Variants in SYNE1 observed in about 807,000 individuals in gnomAD.
The protein encoded by SYNE1 is spectrin repeat containing nuclear envelope protein 1.
Under a neutral mutation model 1,111.0 loss-of-function variants are expected in SYNE1, and 616 were observed. That is an observed-to-expected ratio of 0.55 (90% CI 0.52 to 0.59). The LOEUF (loss-of-function observed/expected upper bound fraction) is 0.59. Among genes scored for constraint, SYNE1 ranks in the 20% least tolerant of loss-of-function variants. The pLI is 0.00. For synonymous variants in SYNE1, 3,855 were observed against 3,825.8 expected, an observed-to-expected ratio of 1.01 and a Z score of -0.28; for missense variants, 10,006 against 10,417.0, an observed-to-expected ratio of 0.96 and a Z score of 1.72.
rs766142799 is a variant in SYNE1, at chr6:152,330,646, A to G, written c.14039T>C (p.Ile4680Thr). 10 of 1,613,644 alleles carry G rather than the reference A, an allele frequency of 6.2e-6. No homozygotes were observed. The highest frequency in any genetic ancestry group is 7.6e-6 in the Non-Finnish European group (9 of 1,180,008). ...ACTCAGAGACTGGGTTGTCAACTCA[A>G]TCAAGGAAGCATATTCCTTCCGAGC... Reference protein sequence around the residue: ...ILARKEYASLIELTTQSLSEL... With the variant: ...ILARKEYASLTELTTQSLSEL... The change falls in exon 78 of 146, where the codon ATT (isoleucine) becomes ACT (threonine). Residue 4680 changes from isoleucine to threonine, a missense_variant. Physicochemically the swap from Ile to Thr is moderately conservative, Grantham distance 89 (BLOSUM62 -1). Coordinates refer to ENST00000367255, the MANE Select transcript of SYNE1 (RefSeq NM_182961.4).
chr6:152,560,643 A>G (rs148271044), intron 3 of SYNE1, among the ~76,000 whole-genome samples: 48 of 152,172 alleles, frequency 3.2e-4, no homozygotes, highest in Non-Finnish European at 6.3e-4. Context: ...AAAGAAAATT[A>G]CAAGCCAATA....
rs552783619 is a variant in SYNE1, at chr6:152,451,697, G to C, written c.3028-492C>G. On this transcript the variant is annotated intron_variant, in intron 25 of 145. Transcript: ENST00000367255. ...GGGTTTTACCAAGTTGGTCAGGATGGTCTTGAACTCCTGACCTAGGTGATC... is the reference window on the plus strand; with the variant it reads ...GGGTTTTACCAAGTTGGTCAGGATGCTCTTGAACTCCTGACCTAGGTGATC... Among the ~76,000 whole-genome samples the C allele has an allele frequency of 3.8e-4, 57 of 151,916 alleles. 1 individual carries two copies. The South Asian group carries it at 4.4e-3, about 12-fold the overall frequency.
At position 152,154,177 on chromosome 6, in the gene SYNE1, C is replaced by T. The variant is rs560446905; in HGVS notation, c.24129+715G>A. Reference sequence around the variant, plus strand: ...CAATTTTGGGCTAGGTCAGGTCTTCCATGAAAATGAAAGGCAGCTGAGAAG... The same window carrying T: ...CAATTTTGGGCTAGGTCAGGTCTTCTATGAAAATGAAAGGCAGCTGAGAAG... On this transcript the variant is annotated intron_variant, in intron 133 of 145. Coordinates refer to ENST00000367255, the MANE Select transcript of SYNE1 (RefSeq NM_182961.4). Among the ~76,000 whole-genome samples the T allele has an allele frequency of 2.8e-4, 42 of 152,072 alleles. 1 individual carries two copies. The highest frequency in any genetic ancestry group is 4.4e-4 in the Non-Finnish European group (30 of 68,012).
intron 40 of SYNE1, among the ~76,000 whole-genome samples, chr6:152,418,851 T>C (rs2098209503): frequency 6.6e-6 from 1 of 152,222 alleles, no homozygotes; most frequent in Non-Finnish European, 1.5e-5. Flanking sequence ...TGAGAAACTT[T>C]TTCTGCATAA....
Position 152,347,229 on chromosome 6 carries a change from T to C in SYNE1, c.11908A>G (p.Met3970Val). The C allele has an allele frequency of 6.2e-7, 1 of 1,614,240 alleles. No homozygotes were observed. The highest frequency in any genetic ancestry group is 1.3e-5 in the African/African-American group (1 of 75,052). Reference protein sequence around the residue: ...TQQLAHHKAMMEEIAGFEDRL... With the variant: ...TQQLAHHKAMVEEIAGFEDRL... ...TCTTCAAAACCAGCAATTTCTTCCA[T>C]CATTGCCTGCAAAAGTGAAACCAAT... Residue 3970 changes from methionine to valine, a missense_variant, in exon 73 of 146, where the codon ATG (methionine) becomes GTG (valine). Transcript: ENST00000367255.
chr6:152,446,842 T>C (rs1366911515), intron 29 of SYNE1, among the ~76,000 whole-genome samples: 2 of 152,180 alleles, frequency 1.3e-5, no homozygotes, highest in East Asian at 3.9e-4. Flanking sequence ...AACATTAAAA[T>C]GCATATCAAA....
chr6:152,465,785 A>ACC (rs1564238941), intron 17 of SYNE1, among the ~76,000 whole-genome samples, 197 bp downstream of exon 17: 5 of 151,324 alleles, frequency 3.3e-5, no homozygotes, highest in African/African-American at 1.2e-4. Context: ...ACACACACAC[A>ACC]CACACACACA....
In SYNE1 at chr6:152,122,598, G is replaced by T; in HGVS notation, c.26232C>A (p.Val8744=). ...GCTGAAGGGGAAGAGCTGCTCGGAG[G>T]ACTCTGAACAGGAAGCCGCGGCCGG... is the stretch of plus-strand genomic sequence containing the variant. The part of the protein sequence containing the change: ...GRSGRGFLFR[V]LRAALPLQLL... Residue 8744 remains valine, a synonymous_variant, in exon 146 of 146, where the codon GTC becomes GTA. Coordinates refer to ENST00000367255, the MANE Select transcript of SYNE1 (RefSeq NM_182961.4). 6.2e-7 allele frequency: 1 copy of T among 1,614,194 alleles called. No individual in the cohort carries two copies. Among genetic ancestry groups the T allele is most frequent in the Non-Finnish European group, 8.5e-7 (1 of 1,180,038 alleles).
At chr6:152,286,058 G>GCAC (rs2094309362) in intron 95 of SYNE1, among the ~76,000 whole-genome samples, 1 of 152,142 alleles carries the variant, frequency 6.6e-6, no homozygotes, top group African/African-American at 2.4e-5. Flanking sequence ...TGTAAGTGCA[G>GCAC]TGCCTCCTCA....
At chr6:152,618,695 A>G (rs1194040950) in intron 3 of SYNE1, among the ~76,000 whole-genome samples, 1 of 152,250 alleles carries the variant, frequency 6.6e-6, no homozygotes, top group Non-Finnish European at 1.5e-5. Context: ...ATAAGTTACC[A>G]CAGAAACCAT....
intron 3 of SYNE1, among the ~76,000 whole-genome samples, chr6:152,575,893 T>G (rs183063687): frequency 2.4e-4 from 37 of 152,376 alleles, no homozygotes; most frequent in Admixed American, 1.9e-3. Context: ...GAGGTGACTG[T>G]AATCTCTTTT....
At position 152,509,403 on chromosome 6, in the gene SYNE1, C is replaced by T. The variant is rs141657428; in HGVS notation, c.581+790G>A. Among the ~76,000 whole-genome samples, 485 of 151,770 alleles carry T rather than the reference C, an allele frequency of 3.2e-3. 5 individuals carry two copies. The highest frequency in any genetic ancestry group is 1.0e-2 in the African/African-American group (412 of 41,404). Reference sequence around the variant, plus strand: ...TCCCGAGTAGCTGGGATTACAGGCACGCGCCACCACGCCCAGCTAATTTTT... The same window carrying T: ...TCCCGAGTAGCTGGGATTACAGGCATGCGCCACCACGCCCAGCTAATTTTT... On this transcript the variant is annotated intron_variant, in intron 8 of 145. Transcript: ENST00000367255.
At chr6:152,418,400 G>A (rs1249197144) in intron 40 of SYNE1, among the ~76,000 whole-genome samples, 1 of 152,192 alleles carries the variant, frequency 6.6e-6, no homozygotes, top group Non-Finnish European at 1.5e-5. Context: ...GAAGGTAGGA[G>A]AAAGTTGCTT....
At chr6:152,400,013 T>A (rs2097788429) in intron 47 of SYNE1, among the ~76,000 whole-genome samples, 190 bp from the exon 48 acceptor site, 1 of 152,148 alleles carries the variant, frequency 6.6e-6, no homozygotes, top group Non-Finnish European at 1.5e-5. Context: ...TGCCCAGTTC[T>A]CCTTGGGAAC....
At chr6:152,426,183 A>G (rs1027100230) in intron 38 of SYNE1, among the ~76,000 whole-genome samples, 3 of 152,358 alleles carry the variant, frequency 2.0e-5, no homozygotes, top group Admixed American at 1.3e-4. Flanking sequence ...AAACACTCCA[A>G]TAGATAGGTA....
intron 75 of SYNE1, 130 bp from the exon 76 acceptor site, chr6:152,337,147 A>G: frequency 2.5e-6 from 2 of 815,398 alleles, no homozygotes; most frequent in Admixed American, 2.7e-5. Flanking sequence ...AAACTCACAC[A>G]CACAAATACA....
chr6:152,237,048 G>C, intron 108 of SYNE1, 100 bp from the exon 109 acceptor site: 1 of 1,493,902 alleles, frequency 6.7e-7, no homozygotes, highest in Non-Finnish European at 9.1e-7. Context: ...TCTCCTTAAA[G>C]TTATATCAGA....
intron 91 of SYNE1, among the ~76,000 whole-genome samples, chr6:152,305,539 C>T (rs566402666): frequency 6.6e-6 from 1 of 152,238 alleles, no homozygotes; most frequent in Admixed American, 6.5e-5. Context: ...ACTGGGATTA[C>T]AAGTGTGAGC....
chr6:152,542,920 C>A (rs1363127805), intron 3 of SYNE1, among the ~76,000 whole-genome samples: 1 of 152,054 alleles, frequency 6.6e-6, no homozygotes, highest in Non-Finnish European at 1.5e-5. Flanking sequence ...AAATTGTTTA[C>A]ACTCAACTTG....
Sources: gnomAD v4.1 joint callset for allele counts (sites outside exome capture counted in the v4.1 genomes callset) on GRCh38, gnomAD v4.1.1 for gene constraint, MANE v1.5 for transcripts, NCBI Gene and HGNC (gene_info 2026-07-23, HGNC 2026-07-21) for gene names.